The following MDGA2 variants were observed in gnomAD, a reference collection of about 807,000 sequenced individuals.
MDGA2 encodes MAM domain containing glycosylphosphatidylinositol anchor 2, also known as MAM domain-containing glycosylphosphatidylinositol anchor protein 2.
MDGA2 carries 40 observed loss-of-function variants against 117.8 expected under a neutral mutation model. The observed-to-expected ratio is 0.34, with a 90% CI of 0.26 to 0.44. MDGA2 has a LOEUF of 0.44. Among genes scored for constraint, MDGA2 ranks in the 20% least tolerant of loss-of-function variants. MDGA2 has a pLI of 1.00. For synonymous variants in MDGA2, 452 were observed against 439.0 expected (o/e 1.03, Z -0.37); for missense variants, 1,123 against 1,250.6 (o/e 0.90, Z 1.54).
intron 6 of MDGA2, among the ~76,000 whole-genome samples, chr14:47,074,167 A>C (rs1221402837): frequency 6.6e-6 from 1 of 152,074 alleles, no homozygotes; most frequent in Non-Finnish European, 1.5e-5. Flanking sequence ...ATAATACAGA[A>C]AGTCTTTCCT....
At chr14:47,156,014 T>A (rs1053292573) in intron 3 of MDGA2, among the ~76,000 whole-genome samples, 1 of 146,596 alleles carries the variant, frequency 6.8e-6, no homozygotes, top group African/African-American at 2.5e-5. Context: ...GGTTAAGCGA[T>A]TCTCATGCCT....
Position 47,275,388 on chromosome 14 carries a change from G to C in MDGA2, c.420+26023C>G, listed in dbSNP as rs748396398. Among the ~76,000 whole-genome samples the C allele has an allele frequency of 3.6e-4, 55 of 152,202 alleles. No homozygotes were observed. The Middle Eastern group carries it at 0.017, about 47-fold the overall frequency. ...TCACACTATGCTATTGCTAGTTACA[G>C]GTTAAGCTCAGTTGAAAGAGTATAT... On this transcript the variant is annotated intron_variant, in intron 2 of 16. Coordinates refer to ENST00000399232, the MANE Select transcript of MDGA2 (RefSeq NM_001113498.3).
chr14:47,039,048 A>G (rs550344747), intron 7 of MDGA2, among the ~76,000 whole-genome samples: 5 of 152,078 alleles, frequency 3.3e-5, no homozygotes, highest in Non-Finnish European at 7.4e-5. Context: ...CAAACCTGTT[A>G]TATGTTTTTC....
At chr14:47,050,159 G>A (rs1889406240) in intron 7 of MDGA2, among the ~76,000 whole-genome samples, 1 of 151,978 alleles carries the variant, frequency 6.6e-6, no homozygotes, top group Non-Finnish European at 1.5e-5. Flanking sequence ...AAGAACCAAG[G>A]TTCTTCAGCC....
At chr14:47,151,471 G>A (rs1883161698) in intron 3 of MDGA2, among the ~76,000 whole-genome samples, 1 of 152,132 alleles carries the variant, frequency 6.6e-6, no homozygotes, top group African/African-American at 2.4e-5. Flanking sequence ...GCTTTTAAAT[G>A]TAGTTCAGGA....
intron 1 of MDGA2, among the ~76,000 whole-genome samples, chr14:47,629,789 A>G (rs1057089363): frequency 1.3e-5 from 2 of 152,202 alleles, no homozygotes; most frequent in Non-Finnish European, 2.9e-5. Context: ...TCTGCAGCTC[A>G]TTAGAAAATG....
chr14:47,645,038 T>C (rs575863564), intron 1 of MDGA2, among the ~76,000 whole-genome samples: 3 of 152,112 alleles, frequency 2.0e-5, no homozygotes, highest in Non-Finnish European at 4.4e-5. Context: ...CCCTAGAGCC[T>C]GCAGAAAAAA....
chr14:47,389,745 G>T (rs1891851237), intron 1 of MDGA2, among the ~76,000 whole-genome samples: 1 of 152,090 alleles, frequency 6.6e-6, no homozygotes, highest in Non-Finnish European at 1.5e-5. Flanking sequence ...AAAAAGGGGG[G>T]AGGGATTTCC....
At chr14:47,041,777 T>G (rs1889079860) in intron 7 of MDGA2, among the ~76,000 whole-genome samples, 2 of 152,088 alleles carry the variant, frequency 1.3e-5, no homozygotes, top group South Asian at 4.1e-4. Flanking sequence ...AATTTTATCT[T>G]TATTCTTTAC....
At chr14:47,197,700 G>C (rs1245056565) in intron 3 of MDGA2, among the ~76,000 whole-genome samples, 3 of 152,114 alleles carry the variant, frequency 2.0e-5, no homozygotes, top group Non-Finnish European at 4.4e-5. Flanking sequence ...CACGAGGTCA[G>C]GGGTTCGAAA....
chr14:47,255,096 G>C (rs1887574099), intron 2 of MDGA2, among the ~76,000 whole-genome samples: 1 of 151,944 alleles, frequency 6.6e-6, no homozygotes, highest in African/African-American at 2.4e-5. Flanking sequence ...ATTTGGGTGG[G>C]GACACAACCA....
At chr14:46,839,838 G>A (rs1880537613), downstream of MDGA2, among the ~76,000 whole-genome samples, 1 of 151,810 alleles carries the variant, frequency 6.6e-6, no homozygotes, top group Non-Finnish European at 1.5e-5. Context: ...GTCCCCTTTT[G>A]AACTGACTGA....
intron 1 of MDGA2, among the ~76,000 whole-genome samples, chr14:47,501,362 T>C (rs1239515256): frequency 6.6e-6 from 1 of 152,174 alleles, no homozygotes; most frequent in Non-Finnish European, 1.5e-5. Flanking sequence ...CAGATATTCT[T>C]TGGCTCCAAT....
chr14:46,966,743 G>C (rs1212443352), intron 8 of MDGA2, among the ~76,000 whole-genome samples: 1 of 142,248 alleles, frequency 7.0e-6, no homozygotes, highest in African/African-American at 2.5e-5. Flanking sequence ...AAGTGCCCAA[G>C]ATTAATGATT....
At chr14:47,532,390 A>G (rs1218176393) in intron 1 of MDGA2, among the ~76,000 whole-genome samples, 1 of 152,098 alleles carries the variant, frequency 6.6e-6, no homozygotes, top group African/African-American at 2.4e-5. Flanking sequence ...ATTTTGCCCT[A>G]ACAATAAATT....
chr14:47,589,484 C>T (rs1404959587), intron 1 of MDGA2, among the ~76,000 whole-genome samples: 1 of 151,938 alleles, frequency 6.6e-6, no homozygotes, highest in African/African-American at 2.4e-5. Flanking sequence ...GAAAAATCAA[C>T]TTACCAAAAA....
chr14:46,927,296 T>C (rs1884369117), intron 9 of MDGA2, among the ~76,000 whole-genome samples: 1 of 152,182 alleles, frequency 6.6e-6, no homozygotes, highest in Non-Finnish European at 1.5e-5. Context: ...GGTCTTATCA[T>C]ATTAAAAGTA....
At chr14:47,460,507 G>A (rs1432491592) in intron 1 of MDGA2, among the ~76,000 whole-genome samples, 2 of 151,772 alleles carry the variant, frequency 1.3e-5, no homozygotes, top group Non-Finnish European at 2.9e-5. Context: ...GAGAAGAGAG[G>A]GGAAAGAATT....
At chr14:47,100,517 C>A (rs1312577439) in intron 5 of MDGA2, among the ~76,000 whole-genome samples, 1 of 152,038 alleles carries the variant, frequency 6.6e-6, no homozygotes, top group African/African-American at 2.4e-5. Flanking sequence ...GAAAAAAGTT[C>A]ACTGTTCTAA....
Sources: gnomAD v4.1 joint callset for allele counts (sites outside exome capture counted in the v4.1 genomes callset) on GRCh38, gnomAD v4.1.1 for gene constraint, MANE v1.5 for transcripts, NCBI Gene and HGNC (gene_info 2026-07-23, HGNC 2026-07-21) for gene names.